Variants in CPLANE1 observed in about 807,000 individuals in gnomAD.
The protein encoded by CPLANE1 is ciliogenesis and planar polarity effector complex subunit 1, also known as ciliogenesis and planar polarity effector 1.
A neutral mutation model predicts 362.5 loss-of-function variants in CPLANE1; 263 were observed. The ratio of observed to expected loss-of-function variants is 0.73; its 90% confidence interval spans 0.66 to 0.80. The LOEUF is 0.80. CPLANE1 is among the 30% of genes least tolerant of loss of function. The probability of loss-of-function intolerance (pLI) is 0.00; values close to 1 mark genes in which losing one functional copy is unlikely to be tolerated. For synonymous variants in CPLANE1, 1,212 were observed against 1,302.6 expected, an observed-to-expected ratio of 0.93 and a Z score of 1.50; for missense variants, 3,461 against 3,793.4, an observed-to-expected ratio of 0.91 and a Z score of 2.30.
rs1403797217 is a variant in CPLANE1 at position 37,206,177 on chromosome 5, A to C, written c.3149+20T>G. 1 of 1,461,312 alleles carries C rather than the reference A, an allele frequency of 6.8e-7. No individual in the cohort carries two copies. The highest frequency in any genetic ancestry group is 2.5e-5 in the East Asian group (1 of 40,502). 90.5% of individuals were successfully genotyped at this position (1,461,312 alleles called of 1,614,324 possible). A position where few individuals can be genotyped will look rare whatever the true frequency, so the allele number is the denominator to read the frequency against. ...ATAGTTCAATCATACTATATCTTAA[A>C]ATTGCCTAAAAATCCATACCTCATG... On this transcript the variant is annotated intron_variant, in intron 17 of 52. Transcript: ENST00000651892.
chr5:37,139,252 T>G, intron 45 of CPLANE1, 88 bp downstream of exon 45: 1 of 1,263,192 alleles, frequency 7.9e-7, no homozygotes. Flanking sequence ...ATATATATAA[T>G]GTAAAAATTC....
chr5:37,118,651 A>G (rs971964509), intron 50 of CPLANE1, among the ~76,000 whole-genome samples: 2 of 151,618 alleles, frequency 1.3e-5, no homozygotes, highest in African/African-American at 4.9e-5. Context: ...ACATAATAGC[A>G]CCTATCTCAC....
chr5:37,101,956 T>C (rs907875139), downstream of CPLANE1, among the ~76,000 whole-genome samples: 1 of 152,056 alleles, frequency 6.6e-6, no homozygotes, highest in African/African-American at 2.4e-5. Flanking sequence ...ATCCCCCTTA[T>C]CATTTCTGAT....
At chr5:37,192,726 TGGTG>T (rs1785932182) in intron 21 of CPLANE1, among the ~76,000 whole-genome samples, 3 of 148,286 alleles carry the variant, frequency 2.0e-5, no homozygotes, top group African/African-American at 7.5e-5. Context: ...TAGCTGGGTG[TGGTG>T]GCAGGCGCCT....
intron 15 of CPLANE1, among the ~76,000 whole-genome samples, chr5:37,218,822 C>A (rs1794724963): frequency 6.6e-6 from 1 of 151,886 alleles, no homozygotes; most frequent in South Asian, 2.1e-4. Context: ...GTGGCAGGCG[C>A]CTGTAATCCC....
chr5:37,108,165 G>T, intron 52 of CPLANE1, 128 bp downstream of exon 52: 2 of 863,644 alleles, frequency 2.3e-6, no homozygotes, highest in Non-Finnish European at 1.8e-6. Context: ...ATTTCAAACT[G>T]ACCTAACAAC....
In CPLANE1 at chr5:37,183,135, T is replaced by C; in HGVS notation, c.5046A>G (p.Gln1682=). ...CATCTTGTATTTTGTAAATTGACCT[T>C]TGTTTTAAACCAAATAATCCACTCA... ...EGMSGLFGLK[Q]RSIYKIQDDT... Residue 1682 remains glutamine (Q), a synonymous_variant, in exon 26 of 53, where the codon CAA becomes CAG. Coordinates refer to ENST00000651892, the MANE Select transcript of CPLANE1 (RefSeq NM_001384732.1). The C allele has an allele frequency of 6.2e-7, 1 of 1,613,234 alleles. No individual in the cohort carries two copies. The highest frequency in any genetic ancestry group is 8.5e-7 in the Non-Finnish European group (1 of 1,179,784).
At position 37,157,369 on chromosome 5, in the gene CPLANE1, TCTGTAATGC is replaced by T; in HGVS notation, c.8054_8062del (p.Gly2685_Thr2687del). On this transcript the variant is annotated inframe_deletion, in exon 41 of 53. Coordinates refer to ENST00000651892, the MANE Select transcript of CPLANE1 (RefSeq NM_001384732.1). ...TGAGGTGACACTAGGCTCCTTCACT[TCTGTAATGC>T]CTGCTCTCAAGCTTTTTCCATCCAG... 1.5e-5 allele frequency: 21 copies of T among 1,405,130 alleles called. No individual in the cohort carries two copies. Among genetic ancestry groups the T allele is most frequent in the Non-Finnish European group, 1.9e-5 (20 of 1,056,828 alleles). The allele number at this position is 1,405,130 out of a possible 1,614,324, so 87.0% of individuals were successfully genotyped here. A position where few individuals can be genotyped will look rare whatever the true frequency, so the allele number is the denominator to read the frequency against.
chr5:37,238,136 A>G (rs996111553), intron 8 of CPLANE1, among the ~76,000 whole-genome samples: 3 of 152,178 alleles, frequency 2.0e-5, no homozygotes, highest in Non-Finnish European at 2.9e-5. Flanking sequence ...CTATGATCAC[A>G]CCACTACACT....
At position 37,183,707 on chromosome 5, in the gene CPLANE1, A is replaced by G. The variant is rs1451858170; in HGVS notation, c.4482-8T>C. 18 of 1,524,572 alleles carry G rather than the reference A, an allele frequency of 1.2e-5. No homozygotes were observed. Among genetic ancestry groups the G allele is most frequent in the Non-Finnish European group, 1.4e-5 (16 of 1,135,482 alleles). 94.4% of individuals were successfully genotyped at this position (1,524,572 alleles called of 1,614,324 possible). A position where few individuals can be genotyped will look rare whatever the true frequency, so the allele number is the denominator to read the frequency against. ...ATGTGATTTGGGGCATTTCTATAGC[A>G]AAAAAATAAAATAAGACAAAATTAG... On this transcript the variant is annotated splice_region_variant and splice_polypyrimidine_tract_variant and intron_variant, in intron 25 of 52. Transcript: ENST00000651892.
chr5:37,076,682 A>G, the CPLANE1 span, among the ~76,000 whole-genome samples: 7 of 152,188 alleles, frequency 4.6e-5, no homozygotes, highest in African/African-American at 1.7e-4. Context: ...ATAACCTTAT[A>G]GAAATGTGAG....
At chr5:37,131,040 C>T (rs1561346927) in intron 46 of CPLANE1, among the ~76,000 whole-genome samples, 1 of 152,178 alleles carries the variant, frequency 6.6e-6, no homozygotes, top group East Asian at 1.9e-4. Context: ...AATAGTTTCA[C>T]GGCAGTAAAA....
intron 46 of CPLANE1, among the ~76,000 whole-genome samples, chr5:37,136,801 A>G (rs922713306): frequency 6.6e-6 from 1 of 152,220 alleles, no homozygotes; most frequent in African/African-American, 2.4e-5. Flanking sequence ...CCACAGCCCA[A>G]GCTGTATCTT....
At chr5:37,199,096 C>CAA (rs35945783) in intron 19 of CPLANE1, among the ~76,000 whole-genome samples, 771 of 46,618 alleles carry the variant, frequency 0.017, 24 homozygotes, top group African/African-American at 0.018. Context: ...CACCCTGTCT[C>CAA]AAAAAAAAAA....
chr5:37,097,850 A>T, the CPLANE1 span, among the ~76,000 whole-genome samples: 12 of 152,220 alleles, frequency 7.9e-5, no homozygotes, highest in Non-Finnish European at 1.3e-4. Flanking sequence ...TCTCATAATA[A>T]CATCTCAATA....
In CPLANE1 at chr5:37,120,233, C is replaced by A; in HGVS notation, c.9293G>T (p.Gly3098Val). 6.2e-7 allele frequency: 1 copy of A among 1,604,406 alleles called. No individual in the cohort carries two copies. Among genetic ancestry groups the A allele is most frequent in the Non-Finnish European group, 8.5e-7 (1 of 1,177,454 alleles). The change falls in exon 50 of 53, where the codon GGC (glycine) becomes GTC (valine). Residue 3098 changes from glycine to valine, a missense_variant. Gly to Val is a moderately radical substitution (Grantham distance 109, BLOSUM62 -3). Coordinates refer to ENST00000651892, the MANE Select transcript of CPLANE1 (RefSeq NM_001384732.1). ...HKRKSFGQPQ[G>V]SPWPHGTATF... ...AGTCTTACCATGTGGCCAAGGTGAG[C>A]CTTGAGGTTGCCCAAAAGACTTCCT...
chr5:37,191,697 C>T (rs1281910133), intron 21 of CPLANE1, among the ~76,000 whole-genome samples: 1 of 152,018 alleles, frequency 6.6e-6, no homozygotes, highest in Non-Finnish European at 1.5e-5. Context: ...TTAGCTGGTA[C>T]AGTGGCTTAC....
intron 8 of CPLANE1, among the ~76,000 whole-genome samples, chr5:37,233,734 G>A (rs1186632504): frequency 2.6e-5 from 4 of 151,360 alleles, no homozygotes; most frequent in Non-Finnish European, 4.4e-5. Flanking sequence ...CCACCACTCC[G>A]ACTACTAGTT....
In CPLANE1 at chr5:37,179,362, T is replaced by TA; in HGVS notation, c.5818_5819insT (p.Glu1940ValfsTer25). ...TATATCCACTATTTATTGACTTACTTCTTCTAACTGCTGTGGTAAAGTCAT... is the reference window on the plus strand; with the variant it reads ...TATATCCACTATTTATTGACTTACTTACTTCTAACTGCTGTGGTAAAGTCAT... On this transcript the variant is annotated frameshift_variant and splice_region_variant, in exon 29 of 53. Transcript: ENST00000651892. LOFTEE classifies it high-confidence loss of function. 6.3e-7 allele frequency: 1 copy of TA among 1,591,698 alleles called. No homozygotes were observed. Among genetic ancestry groups the TA allele is most frequent in the African/African-American group, 1.3e-5 (1 of 74,350 alleles).
Sources: allele counts gnomAD v4.1 joint callset (sites outside exome capture counted in the v4.1 genomes callset), GRCh38; gene constraint gnomAD v4.1.1; transcripts MANE v1.5; gene names NCBI Gene and HGNC (gene_info 2026-07-23, HGNC 2026-07-21).